Variants in KNG1 observed in about 807,000 individuals in gnomAD.
The protein encoded by KNG1 is kininogen 1.
A neutral mutation model predicts 47.8 loss-of-function variants in KNG1; 23 were observed. The observed-to-expected ratio is 0.48, with a 90% CI of 0.35 to 0.68. The LOEUF (loss-of-function observed/expected upper bound fraction) is 0.68. Among genes scored for constraint, KNG1 ranks in the 30% least tolerant of loss-of-function variants. KNG1 has a pLI of 0.01. For synonymous variants in KNG1, 277 were observed against 277.0 expected (o/e 1.00, Z 0.00); for missense variants, 762 against 790.2 (o/e 0.96, Z 0.43).
intron 9 of KNG1, 57 bp downstream of exon 9, chr3:186,739,471 A>T: frequency 8.5e-7 from 1 of 1,169,812 alleles, no homozygotes. Flanking sequence ...GAAAATCCAT[A>T]TTTGGGGGCT....
At chr3:186,719,386 GT>G (rs1345736593) in intron 1 of KNG1, among the ~76,000 whole-genome samples, 28 of 152,104 alleles carry the variant, frequency 1.8e-4, no homozygotes, top group Admixed American at 1.8e-3. Context: ...AGGTTTTCTT[GT>G]TTGCTTTTTC....
Position 186,741,661 on chromosome 3 carries a change from A to C in KNG1, c.1265A>C (p.Glu422Ala). ...GATGAAGAGCGGGATTCAGGAAAAG[A>C]ACAAGGGCATACTCGTAGACATGAC... Reference protein sequence around the residue: ...AQDEERDSGKEQGHTRRHDWG... With the variant: ...AQDEERDSGKAQGHTRRHDWG... The change falls in exon 10 of 10, where the codon GAA (glutamate) becomes GCA (alanine). Residue 422 changes from glutamate (E) to alanine (A), a missense_variant. Glu to Ala is a moderately radical substitution (Grantham distance 107). Coordinates refer to ENST00000644859, the MANE Select transcript of KNG1 (RefSeq NM_001102416.3). The C allele has an allele frequency of 6.2e-7, 1 of 1,614,270 alleles. No homozygotes were observed. Among genetic ancestry groups the C allele is most frequent in the Non-Finnish European group, 8.5e-7 (1 of 1,180,058 alleles).
chr3:186,739,496 A>G (rs1394179255), intron 9 of KNG1, 82 bp downstream of exon 9: 2 of 924,612 alleles, frequency 2.2e-6, no homozygotes, highest in African/African-American at 3.3e-5. Flanking sequence ...ATGAACCATT[A>G]CTGAAATGAA....
intron 7 of KNG1, among the ~76,000 whole-genome samples, chr3:186,734,362 G>A (rs968770484): frequency 2.0e-5 from 3 of 152,086 alleles, no homozygotes; most frequent in Non-Finnish European, 4.4e-5. Context: ...ATCTTTGTGC[G>A]GAGCTCTTGA....
rs1469712340 is a variant in KNG1, at chr3:186,725,155, C to CCCAG, written c.460_463dup (p.Asp155AlafsTer15). 6 of 1,614,030 alleles carry CCCAG rather than the reference C, an allele frequency of 3.7e-6. No individual in the cohort carries two copies. The highest frequency in any genetic ancestry group is 5.1e-6 in the Non-Finnish European group (6 of 1,180,024). ...GTGTGCATCCTATATCAACGCAGAG[C>CCCAG]CCAGACCTGGAGCCCATTCTGAGAC... On this transcript the variant is annotated frameshift_variant, in exon 4 of 10. Coordinates refer to ENST00000644859, the MANE Select transcript of KNG1 (RefSeq NM_001102416.3). LOFTEE classifies it high-confidence loss of function.
At chr3:186,722,782 A>G (rs1440928768) in intron 3 of KNG1, among the ~76,000 whole-genome samples, 1 of 152,182 alleles carries the variant, frequency 6.6e-6, no homozygotes, top group Admixed American at 6.5e-5. Flanking sequence ...GAAGGACCAG[A>G]AGACATAAGA....
Position 186,743,850 on chromosome 3 carries a change from G to A in KNG1, c.*1519G>A, listed in dbSNP as rs965181849. 1.0e-5 allele frequency: 11 copies of A among 1,075,084 alleles called. No individual in the cohort carries two copies. The highest frequency in any genetic ancestry group is 1.6e-5 in the Non-Finnish European group (11 of 689,088). The allele number at this position is 1,075,084 out of a possible 1,614,324, so 66.6% of individuals were successfully genotyped here. A position where few individuals can be genotyped will look rare whatever the true frequency, so the allele number is the denominator to read the frequency against. ...CCACCTCTGCCAGCAACCTTGAGAG[G>A]AAGGACAAGAAGAAAGATGGGATAG... is the stretch of plus-strand genomic sequence containing the variant. On this transcript the variant is annotated 3_prime_UTR_variant, in exon 10 of 10. Coordinates refer to ENST00000644859, the MANE Select transcript of KNG1 (RefSeq NM_001102416.3).
In KNG1 at chr3:186,717,833, C is replaced by CCCA. The variant is rs201806239; in HGVS notation, c.195+108_195+110dup. On this transcript the variant is annotated intron_variant, in intron 1 of 9. Transcript: ENST00000644859. ...ACACACACACATACCACCACCAGCA[C>CCCA]CCACCACCACCACCCACCACCCACC... 3,349 of 718,042 alleles carry CCCA rather than the reference C, an allele frequency of 4.7e-3. 348 individuals carry two copies. Among genetic ancestry groups the CCCA allele is most frequent in the South Asian group, 0.011 (701 of 65,964 alleles). 44.5% of individuals were successfully genotyped at this position (718,042 alleles called of 1,614,324 possible).
At chr3:186,739,459 C>A in intron 9 of KNG1, 45 bp downstream of exon 9, 1 of 1,291,042 alleles carries the variant, frequency 7.7e-7, no homozygotes, top group South Asian at 1.2e-5. Context: ...TCTGCTCATT[C>A]TGAAAATCCA....
chr3:186,727,415 G>A (rs1720405189), intron 5 of KNG1, 71 bp downstream of exon 5: 1 of 983,574 alleles, frequency 1.0e-6, no homozygotes, highest in Non-Finnish European at 1.6e-6. Context: ...TATCAAGCTG[G>A]GTGGGAAGAC....
At chr3:186,732,095 C>T (rs1622922) in intron 6 of KNG1, among the ~76,000 whole-genome samples, 57,624 of 151,714 alleles carry the variant, frequency 0.38, 11,014 homozygotes, top group South Asian at 0.48. Context: ...GTGTGCTTTT[C>T]TCATAGTTGG....
intron 3 of KNG1, among the ~76,000 whole-genome samples, chr3:186,723,440 C>A (rs941768189): frequency 1.3e-5 from 2 of 152,134 alleles, no homozygotes; most frequent in African/African-American, 4.8e-5. Context: ...CCCGCTCAGC[C>A]TCTGGTATCT....
intron 7 of KNG1, among the ~76,000 whole-genome samples, chr3:186,733,017 G>C (rs1448890421): frequency 1.3e-5 from 2 of 152,298 alleles, no homozygotes; most frequent in South Asian, 2.1e-4. Context: ...GGAGGCCAAG[G>C]CGGGTGGATC....
intron 7 of KNG1, among the ~76,000 whole-genome samples, chr3:186,735,400 C>T (rs1279479654): frequency 1.3e-5 from 2 of 152,002 alleles, no homozygotes; most frequent in African/African-American, 2.4e-5. Context: ...GGTGGATCAC[C>T]TGAGGTCAGG....
chr3:186,725,003 G>T lies in KNG1; in HGVS notation c.392-85G>T. On this transcript the variant is annotated intron_variant, in intron 3 of 9. Transcript: ENST00000644859. ...TGGGTTTACAGGCATGAGCCACCAC[G>T]CCCAGCCTCTTCTTTGTTTAGGGCA... is the stretch of plus-strand genomic sequence containing the variant. The T allele has an allele frequency of 6.8e-6, 10 of 1,464,332 alleles. No individual in the cohort carries two copies. The South Asian group carries it at 9.5e-5, about 14-fold the overall frequency. 90.7% of individuals were successfully genotyped at this position (1,464,332 alleles called of 1,614,324 possible).
chr3:186,732,624 AAC>A lies in KNG1; in HGVS notation c.881_882del (p.Asn294SerfsTer8), dbSNP rs746767839. 3 of 1,614,160 alleles carry A rather than the reference AAC, an allele frequency of 1.9e-6. No individual in the cohort carries two copies. In the South Asian group the frequency reaches 3.3e-5, roughly 18 times the overall value. On this transcript the variant is annotated frameshift_variant, in exon 7 of 10. Coordinates refer to ENST00000644859, the MANE Select transcript of KNG1 (RefSeq NM_001102416.3). LOFTEE classifies it high-confidence loss of function. ...CATCACAAAGCTTAATGCAGAGAAT[AAC>A]GCAACTTTCTATTTCAAGATTGACA... Reference protein sequence around the residue: ...HTITKLNAENNATFYFKIDNV... With the variant: ...HTITKLNAENXATFYFKIDNV...
In KNG1 at chr3:186,743,992, G is replaced by T; in HGVS notation, c.*1661G>T. ...TCCTTTCAGCCCTACCCATTCTGCA[G>T]CAAATTCCAGCTGGTCAGAGAGTCA... On this transcript the variant is annotated 3_prime_UTR_variant, in exon 10 of 10. Coordinates refer to ENST00000644859, the MANE Select transcript of KNG1 (RefSeq NM_001102416.3). The T allele has an allele frequency of 1.7e-6, 1 of 602,450 alleles. No homozygotes were observed. Among genetic ancestry groups the T allele is most frequent in the Non-Finnish European group, 3.0e-6 (1 of 329,962 alleles). The allele number at this position is 602,450 out of a possible 1,614,324, so 37.3% of individuals were successfully genotyped here.
chr3:186,719,477 A>G (rs1230637963), intron 1 of KNG1, among the ~76,000 whole-genome samples: 1 of 152,228 alleles, frequency 6.6e-6, no homozygotes, highest in African/African-American at 2.4e-5. Flanking sequence ...GCGGTGGCTC[A>G]TGCCTGTAAT....
Position 186,741,550 on chromosome 3 carries a change from T to C in KNG1, c.1154T>C (p.Phe385Ser). The change falls in exon 10 of 10, where the codon TTT becomes TCT. Residue 385 changes from phenylalanine to serine, a missense_variant. Phe to Ser is a radical substitution (Grantham distance 155). Transcript: ENST00000644859. Reference sequence around the variant, plus strand: ...TCACTGATGAAAAGGCCTCCAGGTTTTTCACCTTTCCGATCATCACGAATA... The same window carrying C: ...TCACTGATGAAAAGGCCTCCAGGTTCTTCACCTTTCCGATCATCACGAATA... ...MISLMKRPPGFSPFRSSRIGE... is the reference protein window; with the variant it reads ...MISLMKRPPGSSPFRSSRIGE... 6.2e-7 allele frequency: 1 copy of C among 1,610,344 alleles called. No individual in the cohort carries two copies. The highest frequency in any genetic ancestry group is 8.5e-7 in the Non-Finnish European group (1 of 1,179,138).
Sources: gnomAD v4.1 joint callset for allele counts (sites outside exome capture counted in the v4.1 genomes callset) on GRCh38, gnomAD v4.1.1 for gene constraint, MANE v1.5 for transcripts, NCBI Gene and HGNC (gene_info 2026-07-23, HGNC 2026-07-21) for gene names.